Variants in DNMT3A observed in about 807,000 individuals in gnomAD.
DNMT3A encodes DNA methyltransferase 3 alpha.
In DNMT3A, 267 loss-of-function variants were observed where a neutral mutation model predicts 117.6. The observed-to-expected ratio is 2.27, with a 90% CI of 2.05 to 2.51. The LOEUF (loss-of-function observed/expected upper bound fraction) is 2.51, where lower values mean the gene tolerates loss of function less well. Ranked by LOEUF, DNMT3A falls within the 30% of genes most tolerant of loss-of-function variation. The probability of loss-of-function intolerance (pLI) is 0.00; values close to 1 mark genes in which losing one functional copy is unlikely to be tolerated. For missense variants in DNMT3A, 1,029 were observed against 1,260.2 expected (o/e 0.82, Z 2.78); for synonymous variants, 432 against 474.8 (o/e 0.91, Z 1.17).
At chr2:25,309,852 G>C (rs1216520452) in intron 2 of DNMT3A, among the ~76,000 whole-genome samples, 1 of 152,036 alleles carries the variant, frequency 6.6e-6, no homozygotes, top group African/African-American at 2.4e-5. Flanking sequence ...AGGAGATCGA[G>C]ACCATGCTGG....
At chr2:25,263,690 C>A (rs2149347789) in intron 6 of DNMT3A, among the ~76,000 whole-genome samples, 1 of 152,278 alleles carries the variant, frequency 6.6e-6, no homozygotes, top group African/African-American at 2.4e-5. Context: ...TCTGCTTTGT[C>A]AGCCCCATAG....
rs1007730754 is a variant in DNMT3A, at chr2:25,286,700, A to C, written c.178-3989T>G. 6.6e-6 allele frequency among the ~76,000 whole-genome samples: 1 copy of C among 152,254 alleles called. No homozygotes were observed. Among genetic ancestry groups the C allele is most frequent in the Non-Finnish European group, 1.5e-5 (1 of 68,044 alleles). On this transcript the variant is annotated intron_variant, in intron 3 of 22. Coordinates refer to ENST00000321117, the MANE Select transcript of DNMT3A (RefSeq NM_022552.5). The surrounding 1 kb of genome is among the most constrained non-coding windows in gnomAD (Gnocchi z 4.3). Reference sequence around the variant, plus strand: ...CATCCAGAGGAAGGAAAAAGGTCCCAGTCAAATGGCCTGAAGCAACTGTCC... The same window carrying C: ...CATCCAGAGGAAGGAAAAAGGTCCCCGTCAAATGGCCTGAAGCAACTGTCC...
chr2:25,273,339 T>C (rs952803329), intron 6 of DNMT3A, among the ~76,000 whole-genome samples: 2 of 152,188 alleles, frequency 1.3e-5, no homozygotes, highest in Non-Finnish European at 2.9e-5. Flanking sequence ...CTCGAACTCC[T>C]GACCTCCTTT....
chr2:25,235,253 C>T (rs1050816612), intron 22 of DNMT3A, among the ~76,000 whole-genome samples: 2 of 151,628 alleles, frequency 1.3e-5, no homozygotes, highest in African/African-American at 2.4e-5. Flanking sequence ...GGCGCAATCT[C>T]GGCTCACTGC....
At chr2:25,299,449 G>A (rs774122683) in intron 3 of DNMT3A, among the ~76,000 whole-genome samples, 1 of 152,244 alleles carries the variant, frequency 6.6e-6, no homozygotes, top group Non-Finnish European at 1.5e-5. Context: ...CCCTGGGTGA[G>A]AGTGTGGTAG....
At chr2:25,324,306 A>G (rs891518244) in intron 1 of DNMT3A, among the ~76,000 whole-genome samples, 4 of 152,220 alleles carry the variant, frequency 2.6e-5, no homozygotes, top group Non-Finnish European at 5.9e-5. Flanking sequence ...CCCATTTTAT[A>G]GAAGACATGG....
In DNMT3A at chr2:25,303,868, A is replaced by G. The variant is rs140084382; in HGVS notation, c.73-3625T>C. 3.7e-3 allele frequency among the ~76,000 whole-genome samples: 567 copies of G among 152,352 alleles called. 4 individuals are homozygous for G. Among genetic ancestry groups the G allele is most frequent in the African/African-American group, 0.013 (545 of 41,578 alleles). ...CAGATGGCTTGGGCCGTGCCCCTCA[A>G]TGGCTCCAAGGAAGCGTAGCAAGTG... On this transcript the variant is annotated intron_variant, in intron 2 of 22. Coordinates refer to ENST00000321117, the MANE Select transcript of DNMT3A (RefSeq NM_022552.5).
intron 1 of DNMT3A, among the ~76,000 whole-genome samples, chr2:25,338,276 C>T (rs2035284937): frequency 6.6e-6 from 1 of 152,232 alleles, no homozygotes; most frequent in African/African-American, 2.4e-5. Context: ...AGAGCTTAAA[C>T]TCCTCTTTCA....
At chr2:25,263,837 G>A (rs976472104) in intron 6 of DNMT3A, among the ~76,000 whole-genome samples, 8 of 152,142 alleles carry the variant, frequency 5.3e-5, no homozygotes, top group Admixed American at 3.9e-4. Context: ...GGTCAATGGC[G>A]GTACACTGCC....
chr2:25,246,304 T>A lies in DNMT3A; in HGVS notation c.1285A>T (p.Lys429Ter). Residue 429 changes from lysine (K) to a stop codon, truncating the protein, a stop_gained, in exon 11 of 23, where the codon AAG (lysine) becomes TAG (stop). Transcript: ENST00000321117. LOFTEE classifies it high-confidence loss of function. ...PKGLEPPEEE[K>*]NPYKEVYTDM... ...GTGTACACTTCTTTGTAGGGATTCTTCTCTTCTGGAGGAGGAAAGCAGGTG... is the reference window on the plus strand; with the variant it reads ...GTGTACACTTCTTTGTAGGGATTCTACTCTTCTGGAGGAGGAAAGCAGGTG... 6.2e-7 allele frequency: 1 copy of A among 1,603,610 alleles called. No homozygotes were observed. Among genetic ancestry groups the A allele is most frequent in the Non-Finnish European group, 8.5e-7 (1 of 1,174,206 alleles).
rs1490337504 is a variant in DNMT3A, at chr2:25,311,773, T to C, written c.72+2140A>G. Among the ~76,000 whole-genome samples, 1 of 152,170 alleles carries C rather than the reference T, an allele frequency of 6.6e-6. No individual in the cohort carries two copies. Among genetic ancestry groups the C allele is most frequent in the Non-Finnish European group, 1.5e-5 (1 of 68,016 alleles). On this transcript the variant is annotated intron_variant, in intron 2 of 22. Transcript: ENST00000321117. The surrounding 1 kb of genome is among the most constrained non-coding windows in gnomAD (Gnocchi z 5.2). ...TTAAAACAGGCAAGGCTGGAGTCAC[T>C]ATCCCCATTTTCCAGCTGAGCAAAC... is the stretch of plus-strand genomic sequence containing the variant.
rs1673442945 is a variant in DNMT3A, at chr2:25,236,999, C to CA, written c.2414dup (p.Leu805PhefsTer7). On this transcript the variant is annotated frameshift_variant, in exon 21 of 23. Transcript: ENST00000321117. LOFTEE classifies it high-confidence loss of function. This position sits in a 1 kb window ranked among gnomAD's most constrained non-coding sequence, Gnocchi z 4.5. ...CCAGCTTATCATTCACAGTGGATGC[C>CA]AACGGCCTAGGAGGCAGAAGAGAGA... 1 of 1,613,620 alleles carries CA rather than the reference C, an allele frequency of 6.2e-7. No individual in the cohort carries two copies. Among genetic ancestry groups the CA allele is most frequent in the Non-Finnish European group, 8.5e-7 (1 of 1,179,926 alleles).
rs200153958 is a variant in DNMT3A at position 25,234,453 on chromosome 2, G to A, written c.2598-33C>T. The A allele has an allele frequency of 1.8e-5, 28 of 1,595,358 alleles. No homozygotes were observed. The highest frequency in any genetic ancestry group is 5.1e-5 in the Admixed American group (3 of 58,756). ...AGAAAAGGCAGAGAGGGCAGGGTGA[G>A]TGCTGGCCAGACCAGGCTGCCCGGA... On this transcript the variant is annotated intron_variant, in intron 22 of 22. Transcript: ENST00000321117. This position sits in a 1 kb window ranked among gnomAD's most constrained non-coding sequence, Gnocchi z 4.5.
intron 6 of DNMT3A, 32 bp downstream of exon 6, chr2:25,274,909 C>T (rs368464149): frequency 6.7e-5 from 107 of 1,589,644 alleles, no homozygotes; most frequent in Middle Eastern, 5.8e-4. Flanking sequence ...TTCTGCAGGA[C>T]GGGCTGGGGC....
At chr2:25,284,645 T>TGAAA (rs1287436463) in intron 3 of DNMT3A, among the ~76,000 whole-genome samples, 611 of 16,644 alleles carry the variant, frequency 0.037, 28 homozygotes, top group Middle Eastern at 0.083. Context: ...AGACTCCATC[T>TGAAA]AAAAAAAAAA....
At position 25,306,805 on chromosome 2, in the gene DNMT3A, T is replaced by C. The variant is rs1316964684; in HGVS notation, c.73-6562A>G. Among the ~76,000 whole-genome samples, 1 of 152,140 alleles carries C rather than the reference T, an allele frequency of 6.6e-6. No individual in the cohort carries two copies. Among genetic ancestry groups the C allele is most frequent in the South Asian group, 2.1e-4 (1 of 4,832 alleles). ...TGTACTGGATACAAAGATAAACAAATAGGAAACTCGGTTCAGAGGGAGACA... is the reference window on the plus strand; with the variant it reads ...TGTACTGGATACAAAGATAAACAAACAGGAAACTCGGTTCAGAGGGAGACA... On this transcript the variant is annotated intron_variant, in intron 2 of 22. Coordinates refer to ENST00000321117, the MANE Select transcript of DNMT3A (RefSeq NM_022552.5). This position sits in a 1 kb window ranked among gnomAD's most constrained non-coding sequence, Gnocchi z 4.1.
chr2:25,328,732 G>C (rs919483744), intron 1 of DNMT3A: 2 of 502,734 alleles, frequency 4.0e-6, no homozygotes, highest in Non-Finnish European at 8.2e-6. Context: ...CCATTCTAGG[G>C]GTCGCTTGGC....
rs2149453335 is a variant in DNMT3A at position 25,337,584 on chromosome 2, G to A, written c.-178+4242C>T. Among the ~76,000 whole-genome samples the A allele has an allele frequency of 6.6e-6, 1 of 152,328 alleles. No individual in the cohort carries two copies. Among genetic ancestry groups the A allele is most frequent in the African/African-American group, 2.4e-5 (1 of 41,568 alleles). Reference sequence around the variant, plus strand: ...TGACTCGAGGGCCTCAAGCTGCCTTGACACTGGCTCATGTGGAAGCAAGTC... The same window carrying A: ...TGACTCGAGGGCCTCAAGCTGCCTTAACACTGGCTCATGTGGAAGCAAGTC... On this transcript the variant is annotated intron_variant, in intron 1 of 22. Coordinates refer to ENST00000321117, the MANE Select transcript of DNMT3A (RefSeq NM_022552.5). This position sits in a 1 kb window ranked among gnomAD's most constrained non-coding sequence, Gnocchi z 5.0.
At position 25,240,227 on chromosome 2, in the gene DNMT3A, G is replaced by T. The variant is rs553854308; in HGVS notation, c.2322+75C>A. 1.9e-6 allele frequency: 3 copies of T among 1,598,672 alleles called. No homozygotes were observed. In the African/African-American group the frequency reaches 4.0e-5, roughly 21 times the overall value. The stretch of plus-strand genomic sequence containing the variant: ...CACCAGTCCCCAGCTCCACAATGCA[G>T]ATGAGACAGGATGAAGCAGCAGTCC... On this transcript the variant is annotated intron_variant, in intron 19 of 22. Coordinates refer to ENST00000321117, the MANE Select transcript of DNMT3A (RefSeq NM_022552.5).
Sources: allele counts gnomAD v4.1 joint callset (sites outside exome capture counted in the v4.1 genomes callset), GRCh38; gene constraint gnomAD v4.1.1; non-coding constraint Gnocchi (gnomAD v3.1); transcripts MANE v1.5; gene names NCBI Gene and HGNC (gene_info 2026-07-23, HGNC 2026-07-21).